The following NRIP1 variants were observed in gnomAD, a reference collection of about 807,000 sequenced individuals.
The protein encoded by NRIP1 is nuclear receptor-interacting protein 1.
In NRIP1, 28 loss-of-function variants were observed where a neutral mutation model predicts 75.0. That is an observed-to-expected ratio of 0.37 (90% confidence interval 0.28 to 0.51). NRIP1 has a LOEUF of 0.51. Ranked by LOEUF, NRIP1 falls within the 20% of genes least tolerant of loss-of-function variation. The pLI is 0.92. For synonymous variants in NRIP1, 526 were observed against 487.6 expected (o/e 1.08, Z -1.04); for missense variants, 1,435 against 1,343.7 (o/e 1.07, Z -1.06).
At chr21:15,064,590 G>A (rs966861492) in intron 1 of NRIP1, among the ~76,000 whole-genome samples, 155 bp downstream of exon 1, 1 of 151,744 alleles carries the variant, frequency 6.6e-6, no homozygotes, top group African/African-American at 2.4e-5. Context: ...AGGCAGCAGA[G>A]GCAGGATTTC....
chr21:14,976,254 C>A (rs1372328461), intron 3 of NRIP1, among the ~76,000 whole-genome samples: 1 of 151,992 alleles, frequency 6.6e-6, no homozygotes, highest in Non-Finnish European at 1.5e-5. Context: ...TGGAAAAAAT[C>A]ATTGTGGTGA....
intron 2 of NRIP1, among the ~76,000 whole-genome samples, chr21:15,023,536 A>G (rs1294695647): frequency 6.6e-6 from 1 of 152,240 alleles, no homozygotes; most frequent in Non-Finnish European, 1.5e-5. Context: ...AATAAAATAT[A>G]TTGGAAGGCA....
chr21:14,996,017 C>A (rs1358003801), intron 3 of NRIP1, among the ~76,000 whole-genome samples: 1 of 152,112 alleles, frequency 6.6e-6, no homozygotes, highest in African/African-American at 2.4e-5. Context: ...TCATTCATTA[C>A]GCTCCAGCCA....
At chr21:15,002,570 CG>C (rs1163142001) in intron 3 of NRIP1, among the ~76,000 whole-genome samples, 1 of 152,074 alleles carries the variant, frequency 6.6e-6, no homozygotes, top group Non-Finnish European at 1.5e-5. Flanking sequence ...TACCATGCCT[CG>C]TTTTTTTAAT....
chr21:15,001,416 C>T (rs1705195446), intron 3 of NRIP1, among the ~76,000 whole-genome samples: 1 of 152,080 alleles, frequency 6.6e-6, no homozygotes, highest in South Asian at 2.1e-4. Flanking sequence ...TTTAAGAATG[C>T]CTAAAAATGC....
chr21:15,031,048 T>C (rs4817589), intron 2 of NRIP1, among the ~76,000 whole-genome samples: 1 of 74,578 alleles, frequency 1.3e-5, no homozygotes, highest in African/African-American at 4.3e-5. Context: ...CGGTTGGAGG[T>C]TCACTACATT....
intron 2 of NRIP1, among the ~76,000 whole-genome samples, chr21:15,025,230 G>A (rs1198268480): frequency 6.6e-6 from 1 of 152,114 alleles, no homozygotes; most frequent in East Asian, 1.9e-4. Flanking sequence ...TACATACAGG[G>A]AGAATGATCA....
intron 1 of NRIP1, among the ~76,000 whole-genome samples, chr21:15,043,826 G>T (rs1487890520): frequency 6.6e-6 from 1 of 151,982 alleles, no homozygotes; most frequent in Admixed American, 6.6e-5. Flanking sequence ...TTTTTTGTTT[G>T]TTTGTTTTTT....
At chr21:15,029,490 A>T (rs188967985) in intron 2 of NRIP1, among the ~76,000 whole-genome samples, 1 of 152,206 alleles carries the variant, frequency 6.6e-6, no homozygotes, top group East Asian at 1.9e-4. Flanking sequence ...TCTTTGCTTC[A>T]ATTTTTATTT....
chr21:15,015,199 A>G (rs1052433934), intron 2 of NRIP1, among the ~76,000 whole-genome samples: 1 of 152,238 alleles, frequency 6.6e-6, no homozygotes, highest in East Asian at 1.9e-4. Flanking sequence ...TTCCATTTGG[A>G]TAACATTCCA....
intron 2 of NRIP1, among the ~76,000 whole-genome samples, chr21:15,022,480 C>T (rs1443607745): frequency 7.2e-5 from 11 of 152,188 alleles, no homozygotes; most frequent in Non-Finnish European, 1.5e-5. Flanking sequence ...CAGTAAACCA[C>T]ATGGCATATG....
At chr21:15,024,596 GTC>G (rs1491072308) in intron 2 of NRIP1, among the ~76,000 whole-genome samples, 2 of 150,402 alleles carry the variant, frequency 1.3e-5, no homozygotes, top group African/African-American at 4.9e-5. Flanking sequence ...GTGTGTGTGT[GTC>G]TGTGTGTGTG....
chr21:14,999,894 A>G (rs2087813165), intron 3 of NRIP1, among the ~76,000 whole-genome samples: 1 of 152,240 alleles, frequency 6.6e-6, no homozygotes, highest in East Asian at 1.9e-4. Context: ...GTACCTAGAT[A>G]TATCTGACTA....
intron 2 of NRIP1, among the ~76,000 whole-genome samples, chr21:15,025,824 C>T (rs140648542): frequency 2.6e-5 from 4 of 152,110 alleles, no homozygotes; most frequent in Non-Finnish European, 5.9e-5. Context: ...AATTACGGGC[C>T]GACATGGTCT....
chr21:15,041,702 T>C (rs1280316867), intron 2 of NRIP1, among the ~76,000 whole-genome samples: 2 of 152,158 alleles, frequency 1.3e-5, no homozygotes, highest in Non-Finnish European at 2.9e-5. Flanking sequence ...TTTCATGAAT[T>C]GATAATTCAT....
chr21:15,011,259 A>G (rs1170152916), intron 3 of NRIP1, among the ~76,000 whole-genome samples: 2 of 151,870 alleles, frequency 1.3e-5, no homozygotes, highest in African/African-American at 2.4e-5. Flanking sequence ...GCGCGATCTC[A>G]GCTCACTGCA....
intron 1 of NRIP1, among the ~76,000 whole-genome samples, chr21:15,045,307 G>C (rs188677316): frequency 3.9e-5 from 6 of 152,186 alleles, no homozygotes; most frequent in Admixed American, 3.9e-4. Flanking sequence ...AGATATAGTG[G>C]GTTCCATTCC....
chr21:14,991,674 C>G (rs2087576332), intron 3 of NRIP1, among the ~76,000 whole-genome samples: 1 of 151,944 alleles, frequency 6.6e-6, no homozygotes, highest in South Asian at 2.1e-4. Context: ...TAGAGAATAT[C>G]ATGGCCATAA....
chr21:14,993,965 G>A (rs1044977503), intron 3 of NRIP1, among the ~76,000 whole-genome samples: 2 of 152,034 alleles, frequency 1.3e-5, no homozygotes, highest in African/African-American at 4.8e-5. Context: ...TCCAATTCCT[G>A]ACAGATTCTG....
Sources: gnomAD v4.1 joint callset for allele counts (sites outside exome capture counted in the v4.1 genomes callset) on GRCh38, gnomAD v4.1.1 for gene constraint, MANE v1.5 for transcripts, NCBI Gene and HGNC (gene_info 2026-07-23, HGNC 2026-07-21) for gene names.